The following POU6F2 variants were observed in gnomAD, a reference collection of about 807,000 sequenced individuals.
POU6F2 encodes the protein POU class 6 homeobox 2, also known as POU domain, class 6, transcription factor 2.
Under a neutral mutation model 71.3 loss-of-function variants are expected in POU6F2, and 31 were observed. The observed-to-expected ratio is 0.43, with a 90% CI of 0.33 to 0.59. POU6F2 has a LOEUF of 0.59. Ranked by LOEUF, POU6F2 falls within the 20% of genes least tolerant of loss-of-function variation. The pLI is 0.04. For synonymous variants in POU6F2, 347 were observed against 355.7 expected, an observed-to-expected ratio of 0.98 and a Z score of 0.27; for missense variants, 783 against 856.8, an observed-to-expected ratio of 0.91 and a Z score of 1.07.
At chr7:39,074,477 C>T (rs1044000840) in intron 1 of POU6F2, among the ~76,000 whole-genome samples, 2 of 149,630 alleles carry the variant, frequency 1.3e-5, no homozygotes, top group Admixed American at 6.6e-5. Context: ...GAGACTTGTC[C>T]CCCCCTCAAA....
chr7:39,421,102 G>C (rs375471783), intron 6 of POU6F2, among the ~76,000 whole-genome samples: 40 of 152,164 alleles, frequency 2.6e-4, no homozygotes, highest in African/African-American at 9.6e-4. Context: ...AATCATTAGG[G>C]ATAAGGCTGC....
chr7:39,328,403 T>C (rs1409634431), intron 4 of POU6F2, among the ~76,000 whole-genome samples: 2 of 152,210 alleles, frequency 1.3e-5, no homozygotes, highest in Non-Finnish European at 2.9e-5. Context: ...TATTTCTTAA[T>C]CTATCGGGAA....
intron 4 of POU6F2, among the ~76,000 whole-genome samples, chr7:39,225,564 G>A (rs1347552797): frequency 5.9e-5 from 9 of 152,212 alleles, no homozygotes; most frequent in Middle Eastern, 3.4e-3. Context: ...AATTCTCAAT[G>A]TACTGGGGTT....
intron 4 of POU6F2, among the ~76,000 whole-genome samples, chr7:39,261,818 C>T (rs1272634422): frequency 1.3e-5 from 2 of 152,200 alleles, no homozygotes; most frequent in African/African-American, 4.8e-5. Context: ...ATGCAGATTG[C>T]ATATTTTCTG....
intron 1 of POU6F2, among the ~76,000 whole-genome samples, chr7:39,057,095 G>A (rs550951154): frequency 2.0e-5 from 3 of 152,220 alleles, no homozygotes; most frequent in East Asian, 1.9e-4. Flanking sequence ...GAGCTCTGAG[G>A]TTGTGGCTTC....
chr7:39,160,404 T>C (rs1480096459), intron 2 of POU6F2, among the ~76,000 whole-genome samples: 1 of 152,166 alleles, frequency 6.6e-6, no homozygotes, highest in Non-Finnish European at 1.5e-5. Context: ...TGGTTTCTTC[T>C]ACTTTAAGGT....
chr7:38,982,428 A>G (rs1452648530), intron 1 of POU6F2, among the ~76,000 whole-genome samples: 2 of 152,116 alleles, frequency 1.3e-5, no homozygotes, highest in African/African-American at 4.8e-5. Flanking sequence ...TCTTTTGGTA[A>G]GTTCCAGACT....
At chr7:39,462,115 G>A (rs1788963535) in intron 9 of POU6F2, among the ~76,000 whole-genome samples, 1 of 152,092 alleles carries the variant, frequency 6.6e-6, no homozygotes, top group African/African-American at 2.4e-5. Flanking sequence ...TACAAGTGCT[G>A]GCTAATGTTT....
chr7:38,981,148 T>G (rs188527481), intron 1 of POU6F2, among the ~76,000 whole-genome samples: 115 of 152,350 alleles, frequency 7.5e-4, no homozygotes, highest in African/African-American at 2.7e-3. Context: ...GGATTGTTAT[T>G]CATGGGATGA....
chr7:39,000,742 C>G (rs1788882204), intron 1 of POU6F2, among the ~76,000 whole-genome samples: 1 of 152,170 alleles, frequency 6.6e-6, no homozygotes, highest in South Asian at 2.1e-4. Flanking sequence ...TCAGGGTCAA[C>G]AGAGACTTGA....
chr7:39,220,422 G>A (rs978295261), intron 4 of POU6F2, among the ~76,000 whole-genome samples: 11 of 152,140 alleles, frequency 7.2e-5, no homozygotes, highest in Non-Finnish European at 1.5e-4. Flanking sequence ...GCATTTTCCA[G>A]CCCCTTGACA....
intron 1 of POU6F2, among the ~76,000 whole-genome samples, chr7:38,999,541 T>G (rs1179188748): frequency 2.0e-5 from 3 of 152,086 alleles, no homozygotes; most frequent in Admixed American, 2.0e-4. Flanking sequence ...ACTGGTTAAG[T>G]TACTGTTGTT....
intron 2 of POU6F2, among the ~76,000 whole-genome samples, chr7:39,103,773 C>CGAACCCCTGTACTGGT (rs1791622016): frequency 6.6e-6 from 1 of 152,050 alleles, no homozygotes; most frequent in African/African-American, 2.4e-5. Context: ...CCTGTACTGG[C>CGAACCCCTGTACTGGT]GAACCCCTGT....
chr7:39,273,681 G>A (rs1784380997), intron 4 of POU6F2, among the ~76,000 whole-genome samples: 2 of 145,686 alleles, frequency 1.4e-5, no homozygotes, highest in Admixed American at 1.4e-4. Flanking sequence ...TTCTTGGTTT[G>A]TTTTTTTTTT....
At chr7:38,991,295 A>C (rs1788597408) in intron 1 of POU6F2, among the ~76,000 whole-genome samples, 1 of 152,146 alleles carries the variant, frequency 6.6e-6, no homozygotes, top group Non-Finnish European at 1.5e-5. Flanking sequence ...AAGGGACAAT[A>C]AATAAGACCC....
At chr7:39,225,864 T>G (rs2128749158) in intron 4 of POU6F2, among the ~76,000 whole-genome samples, 1 of 152,226 alleles carries the variant, frequency 6.6e-6, no homozygotes, top group South Asian at 2.1e-4. Context: ...TGACCACATG[T>G]GATTTCATGC....
chr7:39,340,075 G>A (rs1785882451), intron 5 of POU6F2, 60 bp downstream of exon 5: 11 of 1,511,110 alleles, frequency 7.3e-6, no homozygotes, highest in South Asian at 1.3e-5. Context: ...CCATGGGGTG[G>A]TGCCATCCCC....
intron 2 of POU6F2, among the ~76,000 whole-genome samples, chr7:39,202,663 C>T (rs1057150930): frequency 1.6e-4 from 24 of 152,088 alleles, no homozygotes; most frequent in African/African-American, 5.8e-4. Flanking sequence ...CTTCAAATGC[C>T]GTGCTTTTAA....
At chr7:39,326,859 C>G (rs1785512635) in intron 4 of POU6F2, among the ~76,000 whole-genome samples, 1 of 152,172 alleles carries the variant, frequency 6.6e-6, no homozygotes, top group African/African-American at 2.4e-5. Context: ...CCAGGTTGTC[C>G]TAGTTGGTCA....
Sources: gnomAD v4.1 joint callset for allele counts (sites outside exome capture counted in the v4.1 genomes callset) on GRCh38, gnomAD v4.1.1 for gene constraint, MANE v1.5 for transcripts, NCBI Gene and HGNC (gene_info 2026-07-23, HGNC 2026-07-21) for gene names.